Variants in AHRR observed in about 807,000 individuals in gnomAD.
AHRR encodes ahR repressor.
AHRR carries 28 observed loss-of-function variants against 44.0 expected under a neutral mutation model. That is an observed-to-expected ratio of 0.64 (90% confidence interval 0.47 to 0.87). The LOEUF is 0.87. AHRR is among the 40% of genes least tolerant of loss of function. AHRR has a pLI of 0.00. For missense variants in AHRR, 990 were observed against 953.9 expected (o/e 1.04, Z -0.50); for synonymous variants, 434 against 407.0 (o/e 1.07, Z -0.80).
At position 432,465 on chromosome 5, in the gene AHRR, T is replaced by A. The variant is rs752027046; in HGVS notation, c.911T>A (p.Val304Glu). The A allele has an allele frequency of 1.9e-6, 3 of 1,614,164 alleles. No individual in the cohort carries two copies. In the Admixed American group the frequency reaches 5.0e-5, roughly 27 times the overall value. The change falls in exon 9 of 11, where the codon GTA (valine) becomes GAA (glutamate). Residue 304 changes from valine (V) to glutamate (E), a missense_variant and splice_region_variant. Transcript: ENST00000684583. ...ADTAATADAK[V>E]KATTSLCESE... ...ATGTTCATCTGTGTTCTTCACAGAG[T>A]AAAAGCCACCACCAGTCTGTGCGAA...
rs1338944012 is a variant in AHRR at position 438,240 on chromosome 5, A to G, written c.*3406A>G. On this transcript the variant is annotated 3_prime_UTR_variant, in exon 11 of 11. Coordinates refer to ENST00000684583, the MANE Select transcript of AHRR (RefSeq NM_001377236.1). ...TACTGTGGTTTGTATTAAATTTGCA[A>G]TATTGATGTAAAATACATGACATGC... The G allele has an allele frequency of 6.6e-6, 1 of 152,400 alleles. No individual in the cohort carries two copies. Among genetic ancestry groups the G allele is most frequent in the African/African-American group, 2.4e-5 (1 of 41,466 alleles). The allele number at this position is 152,400 out of a possible 1,614,324, so 9.4% of individuals were successfully genotyped here.
At position 324,749 on chromosome 5, in the gene AHRR, A is replaced by G. The variant is rs896897982; in HGVS notation, c.-11+2930A>G. Among the ~76,000 whole-genome samples, 5 of 152,144 alleles carry G rather than the reference A, an allele frequency of 3.3e-5. No individual in the cohort carries two copies. The East Asian group carries it at 9.7e-4, about 29-fold the overall frequency. On this transcript the variant is annotated intron_variant, in intron 1 of 10. Coordinates refer to ENST00000684583, the MANE Select transcript of AHRR (RefSeq NM_001377236.1). ...GGTTGTGGTGAGCCAAAGTCACACC[A>G]TTGCACTCCAGCCTGGGCAACAAGA...
intron 2 of AHRR, among the ~76,000 whole-genome samples, chr5:347,925 C>T (rs564304440): frequency 1.5e-4 from 23 of 152,234 alleles, no homozygotes; most frequent in Admixed American, 9.2e-4. Context: ...CTGGTCTGCC[C>T]AGCTCCTCTG....
intron 8 of AHRR, 108 bp downstream of exon 8, chr5:428,114 A>G (rs1463266485): frequency 7.7e-7 from 1 of 1,292,646 alleles, no homozygotes; most frequent in South Asian, 1.3e-5. Context: ...TCCAGCCAGT[A>G]ATAAGTCAGT....
intron 4 of AHRR, among the ~76,000 whole-genome samples, 178 bp downstream of exon 4, chr5:376,894 C>T (rs1245211533): frequency 6.6e-6 from 1 of 152,124 alleles, no homozygotes; most frequent in African/African-American, 2.4e-5. Flanking sequence ...AGAAGGGTGT[C>T]CCTGGGTCGG....
intron 3 of AHRR, among the ~76,000 whole-genome samples, chr5:354,775 G>GT (rs1451372627): frequency 6.6e-6 from 1 of 152,226 alleles, no homozygotes; most frequent in Non-Finnish European, 1.5e-5. Context: ...TTGAGTCAGG[G>GT]TGGGGGCCTC....
rs1741696547 is a variant in AHRR, at chr5:326,070, A to C, written c.-11+4251A>C. 6.6e-6 allele frequency among the ~76,000 whole-genome samples: 1 copy of C among 152,238 alleles called. No individual in the cohort carries two copies. Among genetic ancestry groups the C allele is most frequent in the African/African-American group, 2.4e-5 (1 of 41,464 alleles). ...AGTGCTGGGATTACAGGCGTGAGCCACTGCGGCCGGCCTCTTTGTATTTTC... is the reference window on the plus strand; with the variant it reads ...AGTGCTGGGATTACAGGCGTGAGCCCCTGCGGCCGGCCTCTTTGTATTTTC... On this transcript the variant is annotated intron_variant, in intron 1 of 10. Coordinates refer to ENST00000684583, the MANE Select transcript of AHRR (RefSeq NM_001377236.1). This position sits in a 1 kb window ranked among gnomAD's most constrained non-coding sequence, Gnocchi z 4.1.
At chr5:393,915 G>A (rs536907116) in intron 4 of AHRR, among the ~76,000 whole-genome samples, 6 of 152,294 alleles carry the variant, frequency 3.9e-5, no homozygotes, top group South Asian at 2.1e-4. Context: ...GGCGTGAGCC[G>A]CTGCGCCCGG....
intron 2 of AHRR, among the ~76,000 whole-genome samples, chr5:349,395 G>A (rs1742784748): frequency 6.6e-6 from 1 of 152,088 alleles, no homozygotes; most frequent in African/African-American, 2.4e-5. Context: ...GGCTAACACG[G>A]TGAAACCCCG....
intron 4 of AHRR, among the ~76,000 whole-genome samples, chr5:379,116 ATG>A (rs1190721743): frequency 3.3e-5 from 5 of 152,044 alleles, no homozygotes; most frequent in Admixed American, 3.3e-4. Flanking sequence ...CTTTCTCTGG[ATG>A]TCTTCCACAC....
rs960613570 is a variant in AHRR at position 370,250 on chromosome 5, G to A, written c.245-6360G>A. On this transcript the variant is annotated intron_variant, in intron 3 of 10. Coordinates refer to ENST00000684583, the MANE Select transcript of AHRR (RefSeq NM_001377236.1). The surrounding 1 kb of genome is among the most constrained non-coding windows in gnomAD (Gnocchi z 4.5). ...GCCCCGTCCTCCCGGGCCCTCGCTG[G>A]TGCCCCGACCTCCTGGGCCCTCGCT... 1.3e-5 allele frequency among the ~76,000 whole-genome samples: 2 copies of A among 150,152 alleles called. No homozygotes were observed. Among genetic ancestry groups the A allele is most frequent in the African/African-American group, 2.4e-5 (1 of 40,842 alleles).
intron 5 of AHRR, chr5:421,421 C>G (rs1029336207): frequency 1.8e-6 from 1 of 551,696 alleles, no homozygotes; most frequent in Non-Finnish European, 3.2e-6. Context: ...GAGGCACAGG[C>G]AGAAGCAGCC....
intron 4 of AHRR, among the ~76,000 whole-genome samples, chr5:384,871 C>T (rs186961118): frequency 9.9e-5 from 15 of 152,238 alleles, no homozygotes; most frequent in Non-Finnish European, 1.6e-4. Context: ...TTAGGCCGGG[C>T]GCGGTGGCTC....
At position 436,150 on chromosome 5, in the gene AHRR, G is replaced by C. The variant is rs3734142; in HGVS notation, c.*1316G>C. The C allele has an allele frequency of 0.17, 10,221 of 60,594 alleles. 528 individuals are homozygous for C. Among genetic ancestry groups the C allele is most frequent in the Middle Eastern group, 0.23 (29 of 124 alleles). The allele number at this position is 60,594 out of a possible 1,614,324, so 3.8% of individuals were successfully genotyped here. The stretch of plus-strand genomic sequence containing the variant: ...CGGCGCCCTGACGTCAGCTCCACTG[G>C]GAGTGGCAGGAGCTGTGGGAGCCCA... On this transcript the variant is annotated 3_prime_UTR_variant, in exon 11 of 11. Transcript: ENST00000684583.
Position 411,015 on chromosome 5 carries a change from T to G in AHRR, c.352-2329T>G, listed in dbSNP as rs1735449963. Among the ~76,000 whole-genome samples, 1 of 120,736 alleles carries G rather than the reference T, an allele frequency of 8.3e-6. No individual in the cohort carries two copies. Among genetic ancestry groups the G allele is most frequent in the Non-Finnish European group, 1.5e-5 (1 of 67,358 alleles). 79.2% of individuals were successfully genotyped at this position (120,736 alleles called of 152,430 possible). ...TAAACTCCTGGTGTCAGTGATTTGT[T>G]TTTTTTTTCTTGATGAGTCTTGCTA... On this transcript the variant is annotated intron_variant, in intron 4 of 10. Coordinates refer to ENST00000684583, the MANE Select transcript of AHRR (RefSeq NM_001377236.1). The surrounding 1 kb of genome is among the most constrained non-coding windows in gnomAD (Gnocchi z 4.2).
chr5:376,653 C>G lies in AHRR; in HGVS notation c.288C>G (p.Pro96=), dbSNP rs768196917. Residue 96 remains proline (P), a synonymous_variant, in exon 4 of 11, where the codon CCC becomes CCG. Transcript: ENST00000684583. ...QSSRQPAAGA[P]SPGDSCPLAG... Reference sequence around the variant, plus strand: ...CACGGCAGCCTGCGGCCGGCGCCCCCTCGCCCGGAGACAGCTGTCCTCTTG... The same window carrying G: ...CACGGCAGCCTGCGGCCGGCGCCCCGTCGCCCGGAGACAGCTGTCCTCTTG... 1.0e-5 allele frequency: 13 copies of G among 1,258,168 alleles called. No homozygotes were observed. Among genetic ancestry groups the G allele is most frequent in the East Asian group, 3.3e-5 (1 of 29,886 alleles). 77.9% of individuals were successfully genotyped at this position (1,258,168 alleles called of 1,614,324 possible). A position where few individuals can be genotyped will look rare whatever the true frequency, so the allele number is the denominator to read the frequency against.
intron 3 of AHRR, among the ~76,000 whole-genome samples, chr5:375,741 C>G (rs962565048): frequency 6.6e-6 from 1 of 152,194 alleles, no homozygotes; most frequent in African/African-American, 2.4e-5. Context: ...CTGGGACACC[C>G]TTGCCCCTCA....
chr5:327,135 C>T (rs1427506708), intron 1 of AHRR, among the ~76,000 whole-genome samples: 1 of 152,194 alleles, frequency 6.6e-6, no homozygotes, highest in Non-Finnish European at 1.5e-5. Context: ...TGTTTACTTG[C>T]ATTTCCCTAA....
chr5:392,562 A>G (rs1348063825), intron 4 of AHRR, among the ~76,000 whole-genome samples: 2 of 152,182 alleles, frequency 1.3e-5, no homozygotes, highest in Non-Finnish European at 2.9e-5. Context: ...AAGCTGGGGA[A>G]ACCCAACAGT....
Sources: gnomAD v4.1 joint callset for allele counts (sites outside exome capture counted in the v4.1 genomes callset) on GRCh38, gnomAD v4.1.1 for gene constraint, Gnocchi (gnomAD v3.1) non-coding constraint, MANE v1.5 for transcripts, NCBI Gene and HGNC (gene_info 2026-07-23, HGNC 2026-07-21) for gene names.